COL4A1: variants seen among roughly 807,000 people sequenced by gnomAD.
COL4A1 encodes the protein collagen alpha-1(IV) chain.
Under a neutral mutation model 216.6 loss-of-function variants are expected in COL4A1, and 40 were observed. The observed-to-expected ratio is 0.18, with a 90% confidence interval of 0.14 to 0.24. The LOEUF (loss-of-function observed/expected upper bound fraction) is 0.24. COL4A1 is among the 10% of genes least tolerant of loss of function. The probability of loss-of-function intolerance (pLI) is 1.00; values close to 1 mark genes in which losing one functional copy is unlikely to be tolerated. For missense variants in COL4A1, 1,628 were observed against 2,196.8 expected (o/e 0.74, Z 5.18); for synonymous variants, 839 against 810.7 (o/e 1.03, Z -0.59).
At chr13:110,157,456 G>A (rs1876837803) in intron 49 of COL4A1, among the ~76,000 whole-genome samples, 1 of 152,218 alleles carries the variant, frequency 6.6e-6, no homozygotes, top group Admixed American at 6.5e-5. Flanking sequence ...TGTAAGTCCT[G>A]AGAAGTCGTG....
At position 110,167,238 on chromosome 13, in the gene COL4A1, C is replaced by A. The variant is rs370539477; in HGVS notation, c.3877-8G>T. 26 of 1,609,412 alleles carry A rather than the reference C, an allele frequency of 1.6e-5. No homozygotes were observed. Among genetic ancestry groups the A allele is most frequent in the Non-Finnish European group, 2.2e-5 (26 of 1,175,816 alleles). ...TGGAGAGCCACCAATACCCTAGACA[C>A]GCAAAGAGGAGGTTGGGAATTGCTC... On this transcript the variant is annotated splice_region_variant and splice_polypyrimidine_tract_variant and intron_variant, in intron 43 of 51. Transcript: ENST00000375820.
chr13:110,250,227 A>G lies in COL4A1; in HGVS notation c.85-7493T>C, dbSNP rs112831055. 9.3e-3 allele frequency among the ~76,000 whole-genome samples: 1,411 copies of G among 152,102 alleles called. 18 individuals are homozygous for G. The highest frequency in any genetic ancestry group is 0.032 in the African/African-American group (1,319 of 41,518). ...GCAAAAAAAAAAAAAAGCACAAAAAATGTGAGAAACAGTGAATTTCTAATA... is the reference window on the plus strand; with the variant it reads ...GCAAAAAAAAAAAAAAGCACAAAAAGTGTGAGAAACAGTGAATTTCTAATA... On this transcript the variant is annotated intron_variant, in intron 1 of 51. Coordinates refer to ENST00000375820, the MANE Select transcript of COL4A1 (RefSeq NM_001845.6).
intron 1 of COL4A1, among the ~76,000 whole-genome samples, chr13:110,262,309 G>A (rs571538795): frequency 1.3e-5 from 2 of 152,302 alleles, no homozygotes; most frequent in African/African-American, 4.8e-5. Context: ...GCAGGACCCA[G>A]CGCCCTCACC....
intron 35 of COL4A1, 47 bp from the exon 36 acceptor site, chr13:110,176,560 G>T (rs751250996): frequency 6.3e-7 from 1 of 1,594,802 alleles, no homozygotes; most frequent in African/African-American, 1.3e-5. Flanking sequence ...TCTACAGAAA[G>T]AGCTGGGGAA....
Position 110,233,874 on chromosome 13 carries a change from C to T in COL4A1, c.144+8801G>A, listed in dbSNP as rs73613418. 2.6e-3 allele frequency among the ~76,000 whole-genome samples: 395 copies of T among 152,284 alleles called. 2 individuals are homozygous for T. Among genetic ancestry groups the T allele is most frequent in the African/African-American group, 8.9e-3 (368 of 41,560 alleles). On this transcript the variant is annotated intron_variant, in intron 2 of 51. Coordinates refer to ENST00000375820, the MANE Select transcript of COL4A1 (RefSeq NM_001845.6). ...ATCCCTTTAATTTAGGTCCTGGGAG[C>T]GCTTCTGTCACGGATGGAACAGGTC...
At chr13:110,215,572 A>C (rs1162084256) in intron 2 of COL4A1, among the ~76,000 whole-genome samples, 6 of 126,998 alleles carry the variant, frequency 4.7e-5, no homozygotes, top group East Asian at 2.3e-4. Context: ...AAAAAAAAAA[A>C]AAAACAACAA....
chr13:110,151,426 G>A (rs1229901283), intron 51 of COL4A1, among the ~76,000 whole-genome samples: 1 of 152,228 alleles, frequency 6.6e-6, no homozygotes, highest in Non-Finnish European at 1.5e-5. Flanking sequence ...CAGCATGGAT[G>A]TCAAGTTTCC....
At position 110,213,943 on chromosome 13, in the gene COL4A1, C is replaced by G. The variant is rs1268091725; in HGVS notation, c.217G>C (p.Gly73Arg). Residue 73 changes from glycine to arginine, a missense_variant, in exon 3 of 52, where the codon GGA becomes CGA. By Grantham distance (125) the Gly-to-Arg change is moderately radical. Coordinates refer to ENST00000375820, the MANE Select transcript of COL4A1 (RefSeq NM_001845.6). ...GTGCTTACCTTTTGTCCTGGTGGTCCCTGTGGCCCCTCAGGTCCTTGCATT... is the reference window on the plus strand; with the variant it reads ...GTGCTTACCTTTTGTCCTGGTGGTCGCTGTGGCCCCTCAGGTCCTTGCATT... ...PGMQGPEGPQ[G>R]PPGQKGDTGE... is the part of the protein sequence containing the mutation. The G allele has an allele frequency of 6.2e-7, 1 of 1,614,050 alleles. No homozygotes were observed. The highest frequency in any genetic ancestry group is 8.5e-7 in the Non-Finnish European group (1 of 1,180,000).
At chr13:110,179,111 G>A (rs762228816) in intron 30 of COL4A1, 75 bp from the exon 31 acceptor site, 17 of 1,530,874 alleles carry the variant, frequency 1.1e-5, no homozygotes, top group South Asian at 1.0e-4. Context: ...CCATGCACAC[G>A]AATGGCCCCA....
At chr13:110,230,552 C>T (rs931804869) in intron 2 of COL4A1, among the ~76,000 whole-genome samples, 5 of 14,418 alleles carry the variant, frequency 3.5e-4, no homozygotes, top group Non-Finnish European at 8.3e-3. Flanking sequence ...TGAGGTGGGA[C>T]GGGTGGTGCA....
intron 1 of COL4A1, among the ~76,000 whole-genome samples, chr13:110,278,026 T>C (rs1338858043): frequency 6.6e-6 from 1 of 152,204 alleles, no homozygotes; most frequent in African/African-American, 2.4e-5. Flanking sequence ...CAAATGGAAC[T>C]CTAGTTTCTT....
Position 110,242,664 on chromosome 13 carries a change from C to T in COL4A1, c.144+11G>A, listed in dbSNP as rs568845737. ...CAAAGAAATGTTGTGATTTAAATTT[C>T]GGCAACTCACCTTTTGTCCCTTCAC... On this transcript the variant is annotated intron_variant, in intron 2 of 51. Transcript: ENST00000375820. The T allele has an allele frequency of 1.5e-4, 240 of 1,614,050 alleles. 2 individuals are homozygous for T. In the South Asian group the frequency reaches 2.4e-3, roughly 16 times the overall value.
chr13:110,234,609 G>T (rs1436743869), intron 2 of COL4A1, among the ~76,000 whole-genome samples: 1 of 151,994 alleles, frequency 6.6e-6, no homozygotes, highest in East Asian at 1.9e-4. Context: ...AAACAGGGGG[G>T]CGTTCAAATA....
At chr13:110,258,944 CACCAAAATATTTATTTA>C (rs1882692017) in intron 1 of COL4A1, among the ~76,000 whole-genome samples, 1 of 152,192 alleles carries the variant, frequency 6.6e-6, no homozygotes, top group Non-Finnish European at 1.5e-5. Context: ...CTTGATCTGT[CACCAAAATATTTATTTA>C]ACCTGAGGAT....
At chr13:110,278,169 A>T (rs1883497304) in intron 1 of COL4A1, among the ~76,000 whole-genome samples, 1 of 152,196 alleles carries the variant, frequency 6.6e-6, no homozygotes, top group African/African-American at 2.4e-5. Context: ...ATAAATGATA[A>T]TCTCATAAAA....
intron 1 of COL4A1, among the ~76,000 whole-genome samples, chr13:110,305,165 A>G (rs987339178): frequency 1.3e-5 from 2 of 152,206 alleles, no homozygotes; most frequent in East Asian, 3.8e-4. Context: ...AGTAATGATA[A>G]TATCTGTGAG....
At chr13:110,192,106 T>A in intron 24 of COL4A1, 108 bp downstream of exon 24, 1 of 1,139,408 alleles carries the variant, frequency 8.8e-7, no homozygotes, top group South Asian at 1.3e-5. Context: ...ACTTACCAGC[T>A]CCCACACAAG....
intron 24 of COL4A1, 75 bp downstream of exon 24, chr13:110,192,139 C>T: frequency 6.7e-7 from 1 of 1,501,022 alleles, no homozygotes; most frequent in Non-Finnish European, 9.3e-7. Context: ...CTTGCAAATG[C>T]AAAACGACAC....
chr13:110,188,673 C>T (rs1232800338), intron 24 of COL4A1, among the ~76,000 whole-genome samples: 1 of 152,180 alleles, frequency 6.6e-6, no homozygotes, highest in East Asian at 1.9e-4. Flanking sequence ...TAGGGATGAG[C>T]GAGTAAAATC....
Sources: gnomAD v4.1 joint callset for allele counts (sites outside exome capture counted in the v4.1 genomes callset) on GRCh38, gnomAD v4.1.1 for gene constraint, MANE v1.5 for transcripts, NCBI Gene and HGNC (gene_info 2026-07-23, HGNC 2026-07-21) for gene names.